Variants in CREB5 observed in about 807,000 individuals in gnomAD.
The protein encoded by CREB5 is cAMP responsive element binding protein 5, also known as cyclic AMP-responsive element-binding protein 5.
CREB5 carries 19 observed loss-of-function variants against 57.1 expected under a neutral mutation model. The observed-to-expected ratio is 0.33, with a 90% confidence interval of 0.23 to 0.49. The LOEUF is 0.49. CREB5 is among the 20% of genes least tolerant of loss of function. The pLI is 0.99. For missense variants in CREB5, 579 were observed against 671.6 expected (o/e 0.86, Z 1.52); for synonymous variants, 238 against 238.3 (o/e 1.00, Z 0.01).
intron 1 of CREB5, among the ~76,000 whole-genome samples, chr7:28,431,898 T>A (rs915375998): frequency 1.3e-5 from 2 of 151,506 alleles, no homozygotes; most frequent in South Asian, 2.1e-4. Flanking sequence ...ACTGGAGGTA[T>A]GGTGAGCAGA....
At chr7:28,636,293 G>C (rs1798415386) in intron 5 of CREB5, among the ~76,000 whole-genome samples, 1 of 152,082 alleles carries the variant, frequency 6.6e-6, no homozygotes, top group Admixed American at 6.5e-5. Flanking sequence ...GGAGGGAGGA[G>C]GGATATGGAG....
intron 5 of CREB5, among the ~76,000 whole-genome samples, chr7:28,687,328 T>A (rs1273347800): frequency 6.6e-6 from 1 of 151,970 alleles, no homozygotes; most frequent in Non-Finnish European, 1.5e-5. Context: ...TTGATTGAGT[T>A]GTCTTAGAAA....
chr7:28,540,679 A>G (rs1029967069), intron 4 of CREB5, among the ~76,000 whole-genome samples: 1 of 152,130 alleles, frequency 6.6e-6, no homozygotes, highest in Non-Finnish European at 1.5e-5. Context: ...CTGTTCTGGC[A>G]TATTTGTTTT....
intron 7 of CREB5, among the ~76,000 whole-genome samples, chr7:28,775,290 G>A (rs1315075384): frequency 6.6e-6 from 1 of 152,014 alleles, no homozygotes; most frequent in East Asian, 1.9e-4. Context: ...CCTCCTCCTA[G>A]AAGTCCTCTC....
intron 5 of CREB5, among the ~76,000 whole-genome samples, chr7:28,614,915 A>C (rs1229525340): frequency 6.6e-6 from 1 of 152,226 alleles, no homozygotes; most frequent in East Asian, 1.9e-4. Context: ...TAACATGGCT[A>C]TATAAAAGAT....
intron 5 of CREB5, among the ~76,000 whole-genome samples, chr7:28,676,161 T>C (rs1800313300): frequency 6.6e-6 from 1 of 152,144 alleles, no homozygotes; most frequent in Admixed American, 6.5e-5. Flanking sequence ...AAGAACTAGT[T>C]AGGAGGCCTC....
chr7:28,355,734 C>A (rs1331882867), intron 1 of CREB5, among the ~76,000 whole-genome samples: 1 of 152,154 alleles, frequency 6.6e-6, no homozygotes, highest in Non-Finnish European at 1.5e-5. Flanking sequence ...TAAAGCTAAT[C>A]CGAATCGACT....
chr7:28,590,702 AATAAT>A (rs1796476487), intron 5 of CREB5, among the ~76,000 whole-genome samples: 2 of 147,662 alleles, frequency 1.4e-5, no homozygotes, highest in South Asian at 2.1e-4. Context: ...TAATAATAAT[AATAAT>A]AAAAACCCAA....
Position 28,331,194 on chromosome 7 carries a change from A to G in CREB5, c.-25+31753A>G, listed in dbSNP as rs575259521. Among the ~76,000 whole-genome samples, 26 of 151,494 alleles carry G rather than the reference A, an allele frequency of 1.7e-4. 1 individual carries two copies. In the South Asian group the frequency reaches 4.6e-3, roughly 27 times the overall value. ...CAGTATTCCTCAACCATTTTTTTTT[A>G]TTATCGCTACCTTAAGGAGCCCTTT... On this transcript the variant is annotated intron_variant, in intron 1 of 9. Transcript: ENST00000396299.
At position 28,809,250 on chromosome 7, in the gene CREB5, G is replaced by C; in HGVS notation, c.1090G>C (p.Gly364Arg). ...AATACAGCCACCCCAGCCCACAGGG[G>C]GGCGCCGGCGAAGGGTGGTAGACGA... Reference protein sequence around the residue: ...QTIQPPQPTGGRRRRVVDEDP... With the variant: ...QTIQPPQPTGRRRRRVVDEDP... Residue 364 changes from glycine to arginine, a missense_variant, in exon 9 of 11, where the codon GGG becomes CGG. Around this residue, in one of 3 missense-constraint regions of CREB5, gnomAD observed 459 missense variants for 515.7 expected, o/e 0.89. Transcript: ENST00000357727. 2 of 1,614,136 alleles carry C rather than the reference G, an allele frequency of 1.2e-6. No homozygotes were observed. Among genetic ancestry groups the C allele is most frequent in the Non-Finnish European group, 1.7e-6 (2 of 1,180,012 alleles).
chr7:28,599,281 G>A (rs1002782031), intron 5 of CREB5, among the ~76,000 whole-genome samples: 2 of 152,076 alleles, frequency 1.3e-5, no homozygotes, highest in Admixed American at 1.3e-4. Flanking sequence ...GCAAGAGATT[G>A]TAATGAACAT....
chr7:28,515,402 A>C (rs1792899567), intron 4 of CREB5, among the ~76,000 whole-genome samples: 1 of 152,304 alleles, frequency 6.6e-6, no homozygotes, highest in East Asian at 1.9e-4. Context: ...ATAGCTTAAG[A>C]GTCAAGTCCA....
chr7:28,664,490 G>A (rs919214345), intron 5 of CREB5, among the ~76,000 whole-genome samples: 5 of 151,542 alleles, frequency 3.3e-5, no homozygotes. Context: ...ATGAAGGTTT[G>A]ACTAAAATGA....
intron 1 of CREB5, among the ~76,000 whole-genome samples, chr7:28,318,521 G>C (rs190464293): frequency 7.2e-5 from 11 of 152,332 alleles, no homozygotes. Flanking sequence ...GAAAAAGTAT[G>C]ACTAACAATA....
At chr7:28,491,887 G>A (rs1791824018) in intron 2 of CREB5, among the ~76,000 whole-genome samples, 1 of 152,208 alleles carries the variant, frequency 6.6e-6, no homozygotes, top group Non-Finnish European at 1.5e-5. Context: ...ATCACTGCTT[G>A]CACTGTGCTA....
chr7:28,714,910 T>A (rs1474809401), intron 5 of CREB5, among the ~76,000 whole-genome samples: 1 of 152,160 alleles, frequency 6.6e-6, no homozygotes, highest in Non-Finnish European at 1.5e-5. Context: ...AGGCTTGGCC[T>A]GCACCAAGTC....
At chr7:28,788,153 T>C (rs1807445501) in intron 7 of CREB5, among the ~76,000 whole-genome samples, 1 of 152,164 alleles carries the variant, frequency 6.6e-6, no homozygotes, top group South Asian at 2.1e-4. Context: ...GATAATTATT[T>C]GCTGTGGGGC....
At chr7:28,690,497 G>A (rs576051007) in intron 5 of CREB5, among the ~76,000 whole-genome samples, 46 of 152,290 alleles carry the variant, frequency 3.0e-4, no homozygotes, top group African/African-American at 1.1e-3. Flanking sequence ...AAAGAGCATG[G>A]CCTTTGGGGT....
At chr7:28,406,860 G>A (rs573802355) in intron 1 of CREB5, among the ~76,000 whole-genome samples, 9 of 152,218 alleles carry the variant, frequency 5.9e-5, no homozygotes, top group Middle Eastern at 6.8e-3. Context: ...CATGCAGAAG[G>A]CAATGTGGGG....
Sources: gnomAD v4.1 joint callset for allele counts (sites outside exome capture counted in the v4.1 genomes callset) on GRCh38, gnomAD v4.1.1 for gene constraint, gnomAD v4.1.1 regional missense constraint, MANE v1.5 for transcripts, NCBI Gene and HGNC (gene_info 2026-07-23, HGNC 2026-07-21) for gene names.